Variants in FAM50B observed in about 807,000 individuals in gnomAD.
The protein encoded by FAM50B is family with sequence similarity 50 member B, also known as protein FAM50B.
In FAM50B, 9 loss-of-function variants were observed where a neutral mutation model predicts 25.4. The observed-to-expected ratio is 0.35, with a 90% CI of 0.21 to 0.62. FAM50B has a LOEUF of 0.62. FAM50B is among the 20% of genes least tolerant of loss of function. FAM50B has a pLI of 0.73. For synonymous variants in FAM50B, 212 were observed against 204.3 expected, an observed-to-expected ratio of 1.04 and a Z score of -0.32; for missense variants, 372 against 477.9, an observed-to-expected ratio of 0.78 and a Z score of 2.07.
At chr6:3,849,038 C>T (rs566670935), upstream of FAM50B, among the ~76,000 whole-genome samples, 3 of 152,324 alleles carry the variant, frequency 2.0e-5, no homozygotes, top group East Asian at 3.9e-4. Flanking sequence ...CAGCAGCTTG[C>T]GCTGCGCCCA....
the FAM50B span, among the ~76,000 whole-genome samples, chr6:3,834,342 C>G: frequency 2.7e-5 from 1 of 37,110 alleles, no homozygotes; most frequent in Middle Eastern, 0.015. Context: ...AAATAAAATA[C>G]AAAAACTGAT....
upstream of FAM50B, among the ~76,000 whole-genome samples, chr6:3,848,019 CCAAA>C (rs1247111552): frequency 6.6e-6 from 1 of 152,188 alleles, no homozygotes; most frequent in African/African-American, 2.4e-5. Flanking sequence ...CGGAGTGCCC[CCAAA>C]CAATTACAAT....
the FAM50B span, among the ~76,000 whole-genome samples, chr6:3,832,914 C>T: frequency 3.2e-4 from 48 of 151,828 alleles, no homozygotes; most frequent in African/African-American, 1.1e-3. Context: ...GGTTGGAGTA[C>T]AGTGGTACAC....
chr6:3,849,225 G>A (rs1163422428), upstream of FAM50B, among the ~76,000 whole-genome samples: 2 of 152,142 alleles, frequency 1.3e-5, no homozygotes, highest in East Asian at 1.9e-4. Flanking sequence ...CAGGAGCACC[G>A]CCCCTACCAG....
the FAM50B span, among the ~76,000 whole-genome samples, chr6:3,841,656 C>T: frequency 6.6e-6 from 1 of 152,326 alleles, no homozygotes; most frequent in African/African-American, 2.4e-5. Flanking sequence ...AGTGCTTGGT[C>T]CTTCACTTGC....
At chr6:3,843,807 G>A in the FAM50B span, among the ~76,000 whole-genome samples, 5 of 152,302 alleles carry the variant, frequency 3.3e-5, no homozygotes, top group South Asian at 4.2e-4. Flanking sequence ...GTCTGGTGGC[G>A]GAATTCTGAA....
At chr6:3,839,771 C>T in the FAM50B span, among the ~76,000 whole-genome samples, 4 of 152,162 alleles carry the variant, frequency 2.6e-5, no homozygotes, top group African/African-American at 4.8e-5. Context: ...CCAGGTTAAA[C>T]TATTAATATC....
Position 3,850,414 on chromosome 6 carries a change from G to GC in FAM50B, c.604dup (p.Arg202ProfsTer72). On this transcript the variant is annotated frameshift_variant, in exon 2 of 2. Transcript: ENST00000648326. LOFTEE classifies it high-confidence loss of function. ...ACGGCTCGGGCCACCGGCGCACGGTGCGGGTGCGCAAGGGCAACACGGTGC... is the reference window on the plus strand; with the variant it reads ...ACGGCTCGGGCCACCGGCGCACGGTGCCGGGTGCGCAAGGGCAACACGGTGC... 6.2e-7 allele frequency: 1 copy of GC among 1,613,394 alleles called. No homozygotes were observed. Among genetic ancestry groups the GC allele is most frequent in the Non-Finnish European group, 8.5e-7 (1 of 1,179,930 alleles).
rs1401680464 is a variant in FAM50B at position 3,850,484 on chromosome 6, C to T, written c.673C>T (p.Leu225=). 3.7e-6 allele frequency: 6 copies of T among 1,613,504 alleles called. No homozygotes were observed. In the African/African-American group the frequency reaches 8.0e-5, roughly 22 times the overall value. The change falls in exon 2 of 2, where the codon CTG becomes TTG. Residue 225 remains leucine, a synonymous_variant. Coordinates refer to ENST00000648326, the MANE Select transcript of FAM50B (RefSeq NM_012135.3). ...KALQGLRKDF[L]ELRSAGVEQL... ...GCTGCAGGGGCTGCGCAAGGACTTCCTGGAGCTGCGCTCCGCCGGCGTGGA... is the reference window on the plus strand; with the variant it reads ...GCTGCAGGGGCTGCGCAAGGACTTCTTGGAGCTGCGCTCCGCCGGCGTGGA...
At chr6:3,849,278 C>T (rs975783031), upstream of FAM50B, 1 of 153,538 alleles carries the variant, frequency 6.5e-6, no homozygotes, top group Non-Finnish European at 1.4e-5. Context: ...CGCCAGGGGG[C>T]GATCCACCTC....
Position 3,851,148 on chromosome 6 carries a change from C to G in FAM50B, c.*359C>G. ...GACTGAGTTTGATTCCCGACACAGCCTCCTCCTTGCTGTGTAGTTTTGGGT... is the reference window on the plus strand; with the variant it reads ...GACTGAGTTTGATTCCCGACACAGCGTCCTCCTTGCTGTGTAGTTTTGGGT... On this transcript the variant is annotated 3_prime_UTR_variant, in exon 2 of 2. Coordinates refer to ENST00000648326, the MANE Select transcript of FAM50B (RefSeq NM_012135.3). The G allele has an allele frequency of 3.7e-6, 1 of 272,470 alleles. No homozygotes were observed. Among genetic ancestry groups the G allele is most frequent in the Non-Finnish European group, 7.5e-6 (1 of 133,140 alleles). The allele number at this position is 272,470 out of a possible 1,614,324, so 16.9% of individuals were successfully genotyped here. A position where few individuals can be genotyped will look rare whatever the true frequency, so the allele number is the denominator to read the frequency against.
chr6:3,849,584 C>T (rs1362458310), intron 1 of FAM50B, 98 bp downstream of exon 1: 3 of 697,434 alleles, frequency 4.3e-6, no homozygotes, highest in Admixed American at 3.3e-5. Context: ...TGGGGCCGTT[C>T]GCATTTGCAT....
the FAM50B span, among the ~76,000 whole-genome samples, chr6:3,843,783 T>C: frequency 6.6e-6 from 1 of 152,250 alleles, no homozygotes; most frequent in Non-Finnish European, 1.5e-5. Context: ...TAGATATCCT[T>C]TGAAGGACTT....
At position 3,850,335 on chromosome 6, in the gene FAM50B, C is replaced by T. The variant is rs1762197195; in HGVS notation, c.524C>T (p.Ala175Val). ...GAGGAGCTGCGCCAAGAGTGGGAGG[C>T]GCAGCGCGAGAAAGTGAAGGACGAG... ...LREELRQEWEAQREKVKDEEM... is the reference protein window; with the variant it reads ...LREELRQEWEVQREKVKDEEM... Residue 175 changes from alanine to valine, a missense_variant, in exon 2 of 2, where the codon GCG becomes GTG. Transcript: ENST00000648326. 4 of 1,613,232 alleles carry T rather than the reference C, an allele frequency of 2.5e-6. No individual in the cohort carries two copies. The East Asian group carries it at 6.7e-5, about 27-fold the overall frequency.
rs779380964 is a variant in FAM50B at position 3,850,889 on chromosome 6, A to G, written c.*100A>G. On this transcript the variant is annotated 3_prime_UTR_variant, in exon 2 of 2. Coordinates refer to ENST00000648326, the MANE Select transcript of FAM50B (RefSeq NM_012135.3). ...TTCGTGACCTTGATTTCTTCCCCCA[A>G]ATTTAATAAAGACAGAGGGTTCTCA... is the stretch of plus-strand genomic sequence containing the variant. 49 of 1,503,216 alleles carry G rather than the reference A, an allele frequency of 3.3e-5. No homozygotes were observed. The highest frequency in any genetic ancestry group is 4.3e-5 in the Non-Finnish European group (48 of 1,120,494). 93.1% of individuals were successfully genotyped at this position (1,503,216 alleles called of 1,614,324 possible).
the FAM50B span, among the ~76,000 whole-genome samples, chr6:3,841,410 G>A: frequency 4.7e-4 from 71 of 152,300 alleles, 1 homozygote; most frequent in Middle Eastern, 0.017. Context: ...GCTCCAGGGC[G>A]GTGGTTCCCT....
At chr6:3,832,664 C>T in the FAM50B span, among the ~76,000 whole-genome samples, 85 of 152,258 alleles carry the variant, frequency 5.6e-4, no homozygotes, top group African/African-American at 2.0e-3. Flanking sequence ...CCTGTTTTCC[C>T]CACCCCACAG....
chr6:3,834,210 CACTG>C, the FAM50B span, among the ~76,000 whole-genome samples: 1 of 151,966 alleles, frequency 6.6e-6, no homozygotes, highest in South Asian at 2.1e-4. Flanking sequence ...ACGTGTGTGA[CACTG>C]AGTGAGAATA....
Position 3,850,966 on chromosome 6 carries a change from GGTCTTTTCTGAGTATTTTAGT to G in FAM50B, c.*180_*200del. 1 of 1,083,396 alleles carries G rather than the reference GGTCTTTTCTGAGTATTTTAGT, an allele frequency of 9.2e-7. No homozygotes were observed. The highest frequency in any genetic ancestry group is 1.3e-6 in the Non-Finnish European group (1 of 766,990). The allele number at this position is 1,083,396 out of a possible 1,614,324, so 67.1% of individuals were successfully genotyped here. ...GATGTTATGCTTTGGTTGCTTGGTT[GGTCTTTTCTGAGTATTTTAGT>G]GTTGCCACCTGGATTTGCTGCATTG... On this transcript the variant is annotated 3_prime_UTR_variant, in exon 2 of 2. Transcript: ENST00000648326.
Sources: allele counts gnomAD v4.1 joint callset (sites outside exome capture counted in the v4.1 genomes callset), GRCh38; gene constraint gnomAD v4.1.1; transcripts MANE v1.5; gene names NCBI Gene and HGNC (gene_info 2026-07-23, HGNC 2026-07-21).